The following PPP2R5C variants were observed in gnomAD, a reference collection of about 807,000 sequenced individuals.
The protein encoded by PPP2R5C is protein phosphatase 2 regulatory subunit B'gamma, also known as serine/threonine-protein phosphatase 2A 56 kDa regulatory subunit gamma isoform.
A neutral mutation model predicts 68.9 loss-of-function variants in PPP2R5C; 7 were observed. The ratio of observed to expected loss-of-function variants is 0.10; its 90% CI spans 0.06 to 0.19. The LOEUF (loss-of-function observed/expected upper bound fraction) is 0.19. Ranked by LOEUF, PPP2R5C falls within the 10% of genes least tolerant of loss-of-function variation. The pLI, the probability that PPP2R5C is intolerant of heterozygous loss-of-function variation, is 1.00. For synonymous variants in PPP2R5C, 210 were observed against 222.2 expected, an observed-to-expected ratio of 0.95 and a Z score of 0.49; for missense variants, 348 against 641.3, an observed-to-expected ratio of 0.54 and a Z score of 4.94.
rs780908116 is a variant in PPP2R5C, at chr14:101,871,225, GTT to G, written c.295-10932_295-10931del. On this transcript the variant is annotated intron_variant, in intron 2 of 13. Transcript: ENST00000334743. ...TGAGTCTTGGTTTTTTTTTGTTTTGGTTTTTGTTGTTGTTGTTGTTGTTGTTG... is the reference window on the plus strand; with the variant it reads ...TGAGTCTTGGTTTTTTTTTGTTTTGGTTTGTTGTTGTTGTTGTTGTTGTTG... 3.0e-5 allele frequency among the ~76,000 whole-genome samples: 4 copies of G among 134,438 alleles called. No homozygotes were observed. The East Asian group carries it at 6.3e-4, about 21-fold the overall frequency. The allele number at this position is 134,438 out of a possible 152,430, so 88.2% of individuals were successfully genotyped here.
chr14:101,837,113 CATTTT>C (rs1269583589), intron 1 of PPP2R5C, among the ~76,000 whole-genome samples: 3 of 152,226 alleles, frequency 2.0e-5, no homozygotes, highest in South Asian at 4.1e-4. Flanking sequence ...AACAAATGCT[CATTTT>C]ATAAGTTTTT....
At chr14:101,777,132 G>T (rs2037469037) in intron 2 of PPP2R5C, among the ~76,000 whole-genome samples, 1 of 151,948 alleles carries the variant, frequency 6.6e-6, no homozygotes, top group Non-Finnish European at 1.5e-5. Context: ...GCCCGCCTCG[G>T]CCTCCCAAAC....
chr14:101,831,102 G>A (rs2040706945), intron 1 of PPP2R5C, among the ~76,000 whole-genome samples: 1 of 152,100 alleles, frequency 6.6e-6, no homozygotes, highest in South Asian at 2.1e-4. Context: ...AGCTACATGG[G>A]GACATTAACA....
At chr14:101,894,350 T>G (rs1207352729) in intron 7 of PPP2R5C, among the ~76,000 whole-genome samples, 157 bp from the exon 10 acceptor site, 1 of 152,000 alleles carries the variant, frequency 6.6e-6, no homozygotes, top group African/African-American at 2.4e-5. Context: ...CACCAATTAA[T>G]GGGCATAAAT....
At chr14:101,839,572 T>A (rs1164994759) in intron 1 of PPP2R5C, 1 of 152,514 alleles carries the variant, frequency 6.6e-6, no homozygotes, top group African/African-American at 2.4e-5. Context: ...TGATCCCATG[T>A]CCTGGAAAGT....
At chr14:101,771,748 G>T (rs2037160858) in intron 2 of PPP2R5C, among the ~76,000 whole-genome samples, 3 of 151,860 alleles carry the variant, frequency 2.0e-5, no homozygotes, top group Admixed American at 6.6e-5. Context: ...CACAAAAATG[G>T]CCCCCAAGAG....
chr14:101,872,991 T>G (rs1207012153), intron 2 of PPP2R5C, among the ~76,000 whole-genome samples: 2 of 152,134 alleles, frequency 1.3e-5, no homozygotes, highest in African/African-American at 4.8e-5. Flanking sequence ...TTTAATCTTT[T>G]CTGCCATGTC....
At chr14:101,839,577 G>C (rs1385750030) in intron 1 of PPP2R5C, 2 of 152,438 alleles carry the variant, frequency 1.3e-5, no homozygotes, top group Non-Finnish European at 2.9e-5. Flanking sequence ...CCATGTCCTG[G>C]AAAGTGTAAA....
upstream of PPP2R5C, among the ~76,000 whole-genome samples, chr14:101,808,124 G>A (rs2039148152): frequency 6.6e-6 from 1 of 151,112 alleles, no homozygotes. Context: ...TGGGGTGTGG[G>A]GCAGTGAGAG....
At chr14:101,780,232 C>T (rs1444734284) in intron 2 of PPP2R5C, among the ~76,000 whole-genome samples, 1 of 152,190 alleles carries the variant, frequency 6.6e-6, no homozygotes, top group Non-Finnish European at 1.5e-5. Context: ...CTCCCCTCCC[C>T]TCCTCCCTTT....
intron 1 of PPP2R5C, among the ~76,000 whole-genome samples, chr14:101,813,823 C>T (rs2039506607): frequency 6.6e-6 from 1 of 152,188 alleles, no homozygotes; most frequent in East Asian, 1.9e-4. Context: ...ACAAACCATT[C>T]TTTTGATGTA....
chr14:101,822,502 T>G (rs549068663), intron 1 of PPP2R5C, among the ~76,000 whole-genome samples: 1 of 152,356 alleles, frequency 6.6e-6, no homozygotes, highest in South Asian at 2.1e-4. Context: ...TTGATGTGTT[T>G]TTATGACTTA....
Position 101,916,807 on chromosome 14 carries a change from C to T in PPP2R5C, c.1327-1024C>T, listed in dbSNP as rs1439146967. Among the ~76,000 whole-genome samples the T allele has an allele frequency of 6.6e-6, 1 of 152,092 alleles. No homozygotes were observed. Among genetic ancestry groups the T allele is most frequent in the Non-Finnish European group, 1.5e-5 (1 of 67,994 alleles). On this transcript the variant is annotated intron_variant, in intron 12 of 13. Transcript: ENST00000334743. The surrounding 1 kb of genome is among the most constrained non-coding windows in gnomAD (Gnocchi z 5.5). Reference sequence around the variant, plus strand: ...AAAGAGGCCGAAGCTGTGGGACTCACTGGGCAGAGAATGGAGGGGTGTGGA... The same window carrying T: ...AAAGAGGCCGAAGCTGTGGGACTCATTGGGCAGAGAATGGAGGGGTGTGGA...
chr14:101,778,368 TTTC>T (rs1197083938), intron 2 of PPP2R5C, among the ~76,000 whole-genome samples: 1 of 152,230 alleles, frequency 6.6e-6, no homozygotes, highest in Non-Finnish European at 1.5e-5. Flanking sequence ...GTTTTTTCAC[TTTC>T]TTGATAGTAT....
rs2040996977 is a variant in PPP2R5C at position 101,835,058 on chromosome 14, A to C, written c.95-21628A>C. 6.6e-6 allele frequency among the ~76,000 whole-genome samples: 1 copy of C among 152,198 alleles called. No individual in the cohort carries two copies. Among genetic ancestry groups the C allele is most frequent in the Admixed American group, 6.5e-5 (1 of 15,290 alleles). On this transcript the variant is annotated intron_variant, in intron 1 of 13. Transcript: ENST00000334743. The surrounding 1 kb of genome is among the most constrained non-coding windows in gnomAD (Gnocchi z 5.0). ...GTGTATTCAAAGCACATTCACAGTAAGGAAAAAAAAAATGCAGCCTGTGTC... is the reference window on the plus strand; with the variant it reads ...GTGTATTCAAAGCACATTCACAGTACGGAAAAAAAAAATGCAGCCTGTGTC...
intron 13 of PPP2R5C, chr14:101,921,340 G>A: frequency 6.5e-6 from 1 of 154,922 alleles, no homozygotes; most frequent in South Asian, 1.7e-4. Flanking sequence ...CTGGGATTAT[G>A]GGCATGAGCC....
rs145874268 is a variant in PPP2R5C, at chr14:101,889,702, G to A, written c.630-535G>A. On this transcript the variant is annotated intron_variant, in intron 5 of 13. Coordinates refer to ENST00000334743, the Ensembl canonical transcript of PPP2R5C. ...AGATCGCACCTGAGACAGCACGGAG[G>A]ATGCGTGTGGGTGTCAGTGGGGAAC... The A allele has an allele frequency of 1.1e-3, 331 of 293,644 alleles. 2 individuals carry two copies. The highest frequency in any genetic ancestry group is 6.9e-3 in the African/African-American group (304 of 44,026). 18.2% of individuals were successfully genotyped at this position (293,644 alleles called of 1,614,324 possible).
chr14:101,918,984 G>A (rs1000829885), intron 13 of PPP2R5C, among the ~76,000 whole-genome samples: 11 of 152,050 alleles, frequency 7.2e-5, no homozygotes, highest in Admixed American at 6.5e-4. Context: ...GAAAGTAGGC[G>A]CCCCGCCTGT....
chr14:101,763,616 C>T (rs1005056246), intron 2 of PPP2R5C, among the ~76,000 whole-genome samples: 1 of 152,120 alleles, frequency 6.6e-6, no homozygotes, highest in African/African-American at 2.4e-5. Context: ...CTCCTGTCCT[C>T]GTGACCCGCC....
Sources: allele counts gnomAD v4.1 joint callset (sites outside exome capture counted in the v4.1 genomes callset), GRCh38; gene constraint gnomAD v4.1.1; non-coding constraint Gnocchi (gnomAD v3.1); transcripts MANE v1.5; gene names NCBI Gene and HGNC (gene_info 2026-07-23, HGNC 2026-07-21).